The following ODF2 variants were observed in gnomAD, a reference collection of about 807,000 sequenced individuals.
The protein encoded by ODF2 is outer dense fiber protein 2.
A neutral mutation model predicts 110.2 loss-of-function variants in ODF2; 47 were observed. That is an observed-to-expected ratio of 0.43 (90% CI 0.34 to 0.54). The LOEUF is 0.54. Among genes scored for constraint, ODF2 ranks in the 20% least tolerant of loss-of-function variants. The probability of loss-of-function intolerance (pLI) is 0.03; values close to 1 mark genes in which losing one functional copy is unlikely to be tolerated. For missense variants in ODF2, 812 were observed against 1,054.5 expected, an observed-to-expected ratio of 0.77 and a Z score of 3.19; for synonymous variants, 352 against 397.7, an observed-to-expected ratio of 0.89 and a Z score of 1.37.
At chr9:128,468,299 G>A (rs1588784479) in intron 4 of ODF2, among the ~76,000 whole-genome samples, 1 of 152,050 alleles carries the variant, frequency 6.6e-6, no homozygotes, top group African/African-American at 2.4e-5. Context: ...AAAATGTACT[G>A]CCCTAAACTT....
intron 14 of ODF2, among the ~76,000 whole-genome samples, chr9:128,490,150 C>A (rs1359355309): frequency 6.6e-6 from 1 of 152,152 alleles, no homozygotes; most frequent in African/African-American, 2.4e-5. Flanking sequence ...GCAACCCCAG[C>A]AAGACCCCAT....
chr9:128,497,470 T>A (rs1310612908), intron 18 of ODF2: 27 of 102,518 alleles, frequency 2.6e-4, no homozygotes, highest in East Asian at 5.7e-4. Flanking sequence ...TATATATATA[T>A]ATATATATAT....
intron 8 of ODF2, 63 bp from the exon 9 acceptor site, chr9:128,481,517 A>G (rs1842397314): frequency 1.5e-6 from 2 of 1,304,354 alleles, no homozygotes; most frequent in Admixed American, 2.2e-5. Flanking sequence ...AAGAATCAAT[A>G]AAATGTAGAC....
chr9:128,456,961 C>A, intron 1 of ODF2: 1 of 1,237,626 alleles, frequency 8.1e-7, no homozygotes. Flanking sequence ...CCCCAGCATC[C>A]CCGCGGCTCC....
chr9:128,473,424 G>C (rs1840516908), intron 7 of ODF2, 186 bp from the exon 8 acceptor site: 2 of 670,454 alleles, frequency 3.0e-6, no homozygotes, highest in Middle Eastern at 7.5e-4. Flanking sequence ...GCTCGGAGCA[G>C]ACTTAGCTCC....
intron 4 of ODF2, among the ~76,000 whole-genome samples, chr9:128,465,834 A>G (rs1043520052): frequency 3.9e-5 from 6 of 151,958 alleles, no homozygotes; most frequent in Non-Finnish European, 8.8e-5. Flanking sequence ...ATTAAGTTTC[A>G]AAATTTCTTG....
chr9:128,476,474 G>C (rs1388332302), intron 8 of ODF2, among the ~76,000 whole-genome samples: 1 of 151,686 alleles, frequency 6.6e-6, no homozygotes, highest in East Asian at 1.9e-4. Context: ...TTTTAGTAGA[G>C]ACGGGGTTTC....
intron 5 of ODF2, 195 bp downstream of exon 5, chr9:128,469,548 T>G (rs771327207): frequency 3.0e-5 from 18 of 604,548 alleles, no homozygotes; most frequent in Non-Finnish European, 5.3e-5. Flanking sequence ...ACAAGGGCCC[T>G]CTCTATTGAG....
At chr9:128,468,862 A>G (rs1358641598) in intron 4 of ODF2, 1 of 267,144 alleles carries the variant, frequency 3.7e-6, no homozygotes, top group Admixed American at 5.4e-5. Flanking sequence ...AGGTCTCGCT[A>G]TGTTGCTGAG....
chr9:128,482,993 T>C (rs1229874105), intron 10 of ODF2, 106 bp downstream of exon 10: 2 of 835,046 alleles, frequency 2.4e-6, no homozygotes, highest in East Asian at 2.7e-5. Context: ...CCTCCCGGAT[T>C]TGAGTGATTC....
chr9:128,467,147 C>G (rs1240170191), intron 4 of ODF2, among the ~76,000 whole-genome samples: 3 of 146,984 alleles, frequency 2.0e-5, no homozygotes, highest in Middle Eastern at 3.6e-3. Context: ...AGTGTACTTA[C>G]ACAAACCGAG....
chr9:128,473,830 T>G lies in ODF2; in HGVS notation c.843+89T>G, dbSNP rs1840626233. The G allele has an allele frequency of 5.4e-6, 7 of 1,287,734 alleles. No individual in the cohort carries two copies. In the South Asian group the frequency reaches 6.4e-5, roughly 12 times the overall value. 79.8% of individuals were successfully genotyped at this position (1,287,734 alleles called of 1,614,324 possible). The stretch of plus-strand genomic sequence containing the variant: ...CTTGTCTGTAAAAAGAAAATAAGAT[T>G]GGTGCCCGACCTGAGAGGTCCTTAG... On this transcript the variant is annotated intron_variant, in intron 8 of 20. Transcript: ENST00000604420.
At chr9:128,489,622 T>C (rs183933762) in intron 14 of ODF2, among the ~76,000 whole-genome samples, 3 of 152,374 alleles carry the variant, frequency 2.0e-5, no homozygotes, top group African/African-American at 7.2e-5. Flanking sequence ...CACCACAGTA[T>C]ATTTGTCCAT....
At chr9:128,492,210 T>A (rs1844746568) in intron 14 of ODF2, among the ~76,000 whole-genome samples, 1 of 152,126 alleles carries the variant, frequency 6.6e-6, no homozygotes, top group Non-Finnish European at 1.5e-5. Flanking sequence ...TGCTTTTGGA[T>A]TAAGAAAAAA....
exon 8 of ODF2, chr9:128,473,666 C>T (rs1657597945): frequency 3.7e-6 from 6 of 1,613,644 alleles, no homozygotes; most frequent in African/African-American, 1.3e-5. Context: ...AGGAACTTCT[C>T]CTGCAGAAGC....
intron 4 of ODF2, among the ~76,000 whole-genome samples, chr9:128,463,041 T>C (rs1323745879): frequency 2.0e-5 from 3 of 152,040 alleles, no homozygotes; most frequent in Non-Finnish European, 4.4e-5. Context: ...GGAGGGAGGA[T>C]CGCTTGGGCC....
At chr9:128,500,375 T>A in exon 21 of ODF2, 3 of 924,910 alleles carry the variant, frequency 3.2e-6, no homozygotes, top group Non-Finnish European at 5.0e-6. Context: ...CAGGGTCTTG[T>A]CCTTAGCTAC....
At chr9:128,463,020 T>G (rs1375369202) in intron 4 of ODF2, among the ~76,000 whole-genome samples, 1 of 152,132 alleles carries the variant, frequency 6.6e-6, no homozygotes, top group Non-Finnish European at 1.5e-5. Flanking sequence ...CCAACACTTT[T>G]AGGAGGCCCA....
Position 128,462,045 on chromosome 9 carries a change from A to AT in ODF2, c.249+986dup, listed in dbSNP as rs200032234. Among the ~76,000 whole-genome samples the AT allele has an allele frequency of 4.7e-3, 708 of 152,170 alleles. 8 individuals carry two copies. The highest frequency in any genetic ancestry group is 0.016 in the African/African-American group (679 of 41,534). On this transcript the variant is annotated intron_variant, in intron 4 of 20. Coordinates refer to ENST00000604420, the Ensembl canonical transcript of ODF2. ...AAATGTAAATTAAAAGCCACAGTAT[A>AT]TTTTTTTTAAAACAAAAACAATGAG... is the stretch of plus-strand genomic sequence containing the variant.
Sources: gnomAD v4.1 joint callset for allele counts (sites outside exome capture counted in the v4.1 genomes callset) on GRCh38, gnomAD v4.1.1 for gene constraint, MANE v1.5 for transcripts, NCBI Gene and HGNC (gene_info 2026-07-23, HGNC 2026-07-21) for gene names.